The following C1orf141 variants were observed in gnomAD, a reference collection of about 807,000 sequenced individuals.
C1orf141 encodes chromosome 1 open reading frame 141, also known as uncharacterized protein C1orf141.
A neutral mutation model predicts 23.2 loss-of-function variants in C1orf141; 19 were observed. The observed-to-expected ratio is 0.82, with a 90% CI of 0.57 to 1.20. The LOEUF is 1.20. C1orf141 is among the 50% of genes most tolerant of loss of function. The pLI, the probability that C1orf141 is intolerant of heterozygous loss-of-function variation, is 0.00. For missense variants in C1orf141, 469 were observed against 455.1 expected (o/e 1.03, Z -0.28); for synonymous variants, 153 against 154.6 (o/e 0.99, Z 0.08).
chr1:67,095,567 C>T (rs1398246703), intron 6 of C1orf141, 146 bp from the exon 7 acceptor site: 2 of 549,040 alleles, frequency 3.6e-6, no homozygotes, highest in East Asian at 3.0e-5. Context: ...CAAGATCATC[C>T]CGTCCTGCCT....
chr1:67,106,187 GCAGAGTCTT>G (rs1382191000), intron 5 of C1orf141, among the ~76,000 whole-genome samples: 2 of 152,180 alleles, frequency 1.3e-5, no homozygotes, highest in African/African-American at 4.8e-5. Context: ...ACAAGAGAGT[GCAGAGTCTT>G]CACAATACAA....
chr1:67,129,254 G>A (rs1646475181), intron 2 of C1orf141, among the ~76,000 whole-genome samples: 1 of 151,722 alleles, frequency 6.6e-6, no homozygotes. Context: ...CTAGGAGTTT[G>A]AGACCACTCT....
intron 5 of C1orf141, chr1:67,111,703 C>G: frequency 1.4e-6 from 1 of 721,222 alleles, no homozygotes; most frequent in Non-Finnish European, 2.1e-6. Context: ...TAAACCCAAT[C>G]AACCATTTTC....
chr1:67,131,786 CTTTTTTTTT>C (rs796496335), intron 1 of C1orf141, among the ~76,000 whole-genome samples: 1 of 121,516 alleles, frequency 8.2e-6, no homozygotes, highest in Non-Finnish European at 1.7e-5. Flanking sequence ...ACTACCTCTT[CTTTTTTTTT>C]TTTTTTTTTT....
At chr1:67,113,200 G>A (rs563814904) in intron 5 of C1orf141, among the ~76,000 whole-genome samples, 3 of 151,384 alleles carry the variant, frequency 2.0e-5, no homozygotes, top group African/African-American at 4.8e-5. Flanking sequence ...GGCTGGTCTT[G>A]AGCTCCTGAC....
chr1:67,101,848 G>A (rs1442424456), intron 5 of C1orf141, among the ~76,000 whole-genome samples: 1 of 152,232 alleles, frequency 6.6e-6, no homozygotes, highest in East Asian at 1.9e-4. Flanking sequence ...AGATTGCTTT[G>A]CTGAACTAAT....
intron 5 of C1orf141, among the ~76,000 whole-genome samples, chr1:67,111,128 T>C (rs1224668588): frequency 6.6e-6 from 1 of 151,900 alleles, no homozygotes; most frequent in African/African-American, 2.4e-5. Context: ...GAGTCAATAG[T>C]GTTGGTTCCA....
intron 5 of C1orf141, among the ~76,000 whole-genome samples, chr1:67,114,617 A>C (rs1646152161): frequency 6.6e-6 from 1 of 152,220 alleles, no homozygotes; most frequent in African/African-American, 2.4e-5. Context: ...CGAAGGCAAC[A>C]CGAAAAGCTC....
intron 5 of C1orf141, among the ~76,000 whole-genome samples, chr1:67,108,976 G>A (rs1009565846): frequency 2.0e-5 from 3 of 152,162 alleles, no homozygotes; most frequent in Non-Finnish European, 4.4e-5. Flanking sequence ...CTTTTACACT[G>A]TTGGTGGGAA....
chr1:67,138,008 G>C (rs941443074), upstream of C1orf141, among the ~76,000 whole-genome samples: 1 of 152,098 alleles, frequency 6.6e-6, no homozygotes, highest in Non-Finnish European at 1.5e-5. Context: ...ACATCTTTAA[G>C]TTTCTTCTTC....
intron 5 of C1orf141, among the ~76,000 whole-genome samples, chr1:67,107,804 C>T (rs1170998502): frequency 6.6e-6 from 1 of 152,150 alleles, no homozygotes; most frequent in Non-Finnish European, 1.5e-5. Context: ...GCAGGAGAAT[C>T]GCTTGAACCC....
At position 67,095,254 on chromosome 1, in the gene C1orf141, T is replaced by A; in HGVS notation, c.584A>T (p.Lys195Met). ...HAKIVNVSPT[K>M]TVTSHMEQKD... is the part of the protein sequence containing the mutation. ...TATTACCATGTGAGAAGTTACTGTC[T>A]TTGTTGGACTAACGTTGACTATCTT... The change falls in exon 7 of 8, where the codon AAG becomes ATG. Residue 195 changes from lysine to methionine, a missense_variant. Lys to Met is a moderately conservative substitution (Grantham distance 95). Coordinates refer to ENST00000684719, the MANE Select transcript of C1orf141 (RefSeq NM_001276351.2). 1.3e-6 allele frequency: 2 copies of A among 1,583,592 alleles called. No individual in the cohort carries two copies. The highest frequency in any genetic ancestry group is 2.3e-5 in the South Asian group (2 of 86,444).
At chr1:67,102,788 A>C (rs1487739706) in intron 5 of C1orf141, 1 of 152,218 alleles carries the variant, frequency 6.6e-6, no homozygotes, top group Non-Finnish European at 1.5e-5. Flanking sequence ...ATGGAACTGA[A>C]TATCTGATGA....
At chr1:67,120,767 C>T (rs1294024419) in intron 4 of C1orf141, among the ~76,000 whole-genome samples, 1 of 151,472 alleles carries the variant, frequency 6.6e-6, no homozygotes, top group Non-Finnish European at 1.5e-5. Context: ...TTTAAACCAC[C>T]CAGGGTATGG....
At chr1:67,127,054 C>A (rs1646429025) in intron 3 of C1orf141, 112 bp downstream of exon 3, 2 of 610,340 alleles carry the variant, frequency 3.3e-6, no homozygotes, top group Non-Finnish European at 5.3e-6. Flanking sequence ...TTGCTTTTTA[C>A]AAATTAGTTT....
intron 2 of C1orf141, among the ~76,000 whole-genome samples, chr1:67,130,664 T>C (rs1646499898): frequency 6.6e-6 from 1 of 151,988 alleles, no homozygotes; most frequent in African/African-American, 2.4e-5. Context: ...CTATGAATGA[T>C]TTCTGGAAAA....
chr1:67,108,065 T>C (rs978269632), intron 5 of C1orf141, among the ~76,000 whole-genome samples: 30 of 152,336 alleles, frequency 2.0e-4, no homozygotes, highest in African/African-American at 7.0e-4. Flanking sequence ...GTAAAATTAG[T>C]GGCAGCTTCC....
intron 5 of C1orf141, among the ~76,000 whole-genome samples, chr1:67,101,460 G>GTA (rs1220255453): frequency 2.0e-5 from 3 of 150,242 alleles, no homozygotes; most frequent in African/African-American, 4.9e-5. Context: ...GTGTGTGTGT[G>GTA]TGTGTGTGTG....
intron 1 of C1orf141, among the ~76,000 whole-genome samples, chr1:67,140,334 G>A (rs1646625026): frequency 6.6e-6 from 1 of 152,146 alleles, no homozygotes; most frequent in African/African-American, 2.4e-5. Context: ...TTGGAAATGT[G>A]TATAAACAAA....
Sources: allele counts gnomAD v4.1 joint callset (sites outside exome capture counted in the v4.1 genomes callset), GRCh38; gene constraint gnomAD v4.1.1; transcripts MANE v1.5; gene names NCBI Gene and HGNC (gene_info 2026-07-23, HGNC 2026-07-21).